The following CNTN5 variants were observed in gnomAD, a reference collection of about 807,000 sequenced individuals.
CNTN5 encodes contactin 5.
CNTN5 carries 77 observed loss-of-function variants against 129.1 expected under a neutral mutation model. That is an observed-to-expected ratio of 0.60 (90% confidence interval 0.50 to 0.72). The LOEUF (loss-of-function observed/expected upper bound fraction) is 0.72. CNTN5 is among the 30% of genes least tolerant of loss of function. The pLI is 0.00. For missense variants in CNTN5, 1,478 were observed against 1,328.8 expected, an observed-to-expected ratio of 1.11 and a Z score of -1.75; for synonymous variants, 509 against 465.6, an observed-to-expected ratio of 1.09 and a Z score of -1.20.
chr11:99,577,404 C>A (rs1239212566), intron 3 of CNTN5, among the ~76,000 whole-genome samples: 1 of 152,082 alleles, frequency 6.6e-6, no homozygotes, highest in East Asian at 1.9e-4. Context: ...ACTAGTGATT[C>A]TACCAATGAT....
At chr11:99,268,704 T>C (rs1025089684) in intron 1 of CNTN5, among the ~76,000 whole-genome samples, 14 of 152,016 alleles carry the variant, frequency 9.2e-5, no homozygotes, top group African/African-American at 3.4e-4. Flanking sequence ...AAATATGTGC[T>C]CAAATGTGTT....
intron 2 of CNTN5, among the ~76,000 whole-genome samples, chr11:99,459,753 G>A (rs113771789): frequency 0.012 from 1,845 of 152,086 alleles, 40 homozygotes; most frequent in African/African-American, 0.042. Flanking sequence ...AAATATATAT[G>A]TGCATATATT....
At chr11:99,314,169 T>G (rs1007519883) in intron 1 of CNTN5, among the ~76,000 whole-genome samples, 2 of 152,094 alleles carry the variant, frequency 1.3e-5, no homozygotes, top group East Asian at 3.9e-4. Flanking sequence ...AGCTTCTGGG[T>G]GGCATAACAT....
At chr11:100,134,576 A>G (rs934787710) in intron 13 of CNTN5, among the ~76,000 whole-genome samples, 22 of 152,146 alleles carry the variant, frequency 1.4e-4, no homozygotes, top group Admixed American at 1.4e-3. Flanking sequence ...TTGGACTACA[A>G]ATCCCTGTAA....
intron 2 of CNTN5, among the ~76,000 whole-genome samples, chr11:99,339,692 G>C (rs538054560): frequency 1.3e-5 from 2 of 151,990 alleles, no homozygotes; most frequent in Non-Finnish European, 2.9e-5. Flanking sequence ...TGAGGTAGGA[G>C]AATGGCGTGA....
intron 13 of CNTN5, among the ~76,000 whole-genome samples, chr11:100,190,226 C>T (rs1289978736): frequency 1.3e-5 from 2 of 152,090 alleles, no homozygotes; most frequent in Non-Finnish European, 2.9e-5. Context: ...ACAGGGGCTA[C>T]TGGTTCTTAC....
intron 8 of CNTN5, among the ~76,000 whole-genome samples, chr11:99,957,869 G>T (rs1402446305): frequency 6.6e-6 from 1 of 151,908 alleles, no homozygotes; most frequent in Non-Finnish European, 1.5e-5. Flanking sequence ...GTGTGTGTGT[G>T]TGTGTGTATA....
intron 8 of CNTN5, among the ~76,000 whole-genome samples, chr11:99,961,219 A>AAAAAAC (rs1950937344): frequency 6.9e-6 from 1 of 145,720 alleles, no homozygotes; most frequent in Admixed American, 6.9e-5. Context: ...AAAAAAAAAA[A>AAAAAAC]AAAAAACAGT....
At chr11:99,210,070 A>G (rs1447841903) in intron 1 of CNTN5, among the ~76,000 whole-genome samples, 2 of 152,204 alleles carry the variant, frequency 1.3e-5, no homozygotes, top group Non-Finnish European at 1.5e-5. Context: ...AATCCTTCAG[A>G]AAAGACAATA....
At chr11:99,966,030 G>T (rs952194187) in intron 8 of CNTN5, among the ~76,000 whole-genome samples, 2 of 152,090 alleles carry the variant, frequency 1.3e-5, no homozygotes, top group Non-Finnish European at 2.9e-5. Flanking sequence ...GCAGAGATAG[G>T]CATTACAATG....
chr11:99,199,500 C>T (rs960692688), intron 1 of CNTN5, among the ~76,000 whole-genome samples: 1 of 152,160 alleles, frequency 6.6e-6, no homozygotes, highest in East Asian at 1.9e-4. Context: ...TCATGCTCAC[C>T]GTCCTGTGGG....
chr11:99,501,403 T>C (rs1364223535), intron 2 of CNTN5, among the ~76,000 whole-genome samples: 5 of 152,350 alleles, frequency 3.3e-5, no homozygotes, highest in African/African-American at 1.2e-4. Flanking sequence ...TAGATTTGTT[T>C]AACTAACATT....
chr11:100,104,435 AC>A (rs2138078003), intron 13 of CNTN5, among the ~76,000 whole-genome samples: 1 of 152,092 alleles, frequency 6.6e-6, no homozygotes, highest in Non-Finnish European at 1.5e-5. Context: ...GTCATTAGGT[AC>A]TATAAGCAGC....
intron 1 of CNTN5, among the ~76,000 whole-genome samples, chr11:99,090,879 C>T (rs1241302608): frequency 6.6e-6 from 1 of 151,628 alleles, no homozygotes; most frequent in Non-Finnish European, 1.5e-5. Flanking sequence ...AAAATTAGCC[C>T]GTCGCGGTGG....
At chr11:99,915,577 T>C (rs149564347) in intron 6 of CNTN5, among the ~76,000 whole-genome samples, 172 of 152,286 alleles carry the variant, frequency 1.1e-3, no homozygotes, top group African/African-American at 3.8e-3. Context: ...CTATATTTTG[T>C]TAGAGCATAC....
At chr11:99,941,372 G>A (rs1448656142) in intron 7 of CNTN5, among the ~76,000 whole-genome samples, 1 of 151,776 alleles carries the variant, frequency 6.6e-6, no homozygotes, top group Non-Finnish European at 1.5e-5. Context: ...TATGGCACAT[G>A]GTAGGGAAAC....
intron 2 of CNTN5, among the ~76,000 whole-genome samples, chr11:99,343,714 A>G (rs951148447): frequency 1.3e-5 from 2 of 152,202 alleles, no homozygotes; most frequent in African/African-American, 2.4e-5. Flanking sequence ...TATTCTTAAA[A>G]TGAAAAACTC....
At chr11:99,945,834 C>G (rs1315543755) in intron 7 of CNTN5, among the ~76,000 whole-genome samples, 2 of 151,978 alleles carry the variant, frequency 1.3e-5, no homozygotes, top group African/African-American at 2.4e-5. Flanking sequence ...GAGGTCTCAG[C>G]TGGAATACGA....
intron 2 of CNTN5, among the ~76,000 whole-genome samples, chr11:99,405,264 T>C (rs1187107302): frequency 6.6e-6 from 1 of 152,156 alleles, no homozygotes; most frequent in Non-Finnish European, 1.5e-5. Flanking sequence ...TATCTCTAGA[T>C]TTAGGAAGTT....
Sources: allele counts gnomAD v4.1 joint callset (sites outside exome capture counted in the v4.1 genomes callset), GRCh38; gene constraint gnomAD v4.1.1; transcripts MANE v1.5; gene names NCBI Gene and HGNC (gene_info 2026-07-23, HGNC 2026-07-21).